Variants in ANK3 observed in about 807,000 individuals in gnomAD.
ANK3 encodes ankyrin 3.
ANK3 carries 57 observed loss-of-function variants against 370.9 expected under a neutral mutation model. That is an observed-to-expected ratio of 0.15 (90% confidence interval 0.12 to 0.19). The LOEUF (loss-of-function observed/expected upper bound fraction) is 0.19, where lower values mean the gene tolerates loss of function less well. Ranked by LOEUF, ANK3 falls within the 10% of genes least tolerant of loss-of-function variation. The pLI is 1.00. For missense variants in ANK3, 4,439 were observed against 5,302.1 expected, an observed-to-expected ratio of 0.84 and a Z score of 5.06; for synonymous variants, 1,929 against 1,946.3, an observed-to-expected ratio of 0.99 and a Z score of 0.23.
chr10:60,732,029 A>G (rs1392341802), intron 1 of ANK3, among the ~76,000 whole-genome samples: 1 of 152,216 alleles, frequency 6.6e-6, no homozygotes, highest in Non-Finnish European at 1.5e-5. Flanking sequence ...TAAAGGAAAA[A>G]CATGGCATGG....
intron 1 of ANK3, among the ~76,000 whole-genome samples, chr10:60,629,901 C>T (rs1253881804): frequency 6.6e-6 from 1 of 152,030 alleles, no homozygotes; most frequent in Non-Finnish European, 1.5e-5. Flanking sequence ...TGCTACATTG[C>T]AATGTGAACC....
At position 60,076,067 on chromosome 10, in the gene ANK3, A is replaced by T; in HGVS notation, c.4814T>A (p.Val1605Asp). Residue 1605 changes from valine (V) to aspartate (D), a missense_variant, in exon 37 of 44, where the codon GTC becomes GAC. Physicochemically the swap from Val to Asp is radical, Grantham distance 152 (BLOSUM62 -3). Around this residue, in one of 13 missense-constraint regions of ANK3, gnomAD observed 679 missense variants for 791.0 expected, o/e 0.86. Coordinates refer to ENST00000280772, the MANE Select transcript of ANK3 (RefSeq NM_020987.5). The part of the protein sequence containing the change: ...SSGTLARAPA[V>D]TEATPLKGLA... ...CCCTTTTAAGGGCGTAGCTTCCGTGACTGCTGGAGCTCTAGCCAGGGTACC... is the reference window on the plus strand; with the variant it reads ...CCCTTTTAAGGGCGTAGCTTCCGTGTCTGCTGGAGCTCTAGCCAGGGTACC... 1 of 1,614,186 alleles carries T rather than the reference A, an allele frequency of 6.2e-7. No individual in the cohort carries two copies. Among genetic ancestry groups the T allele is most frequent in the Non-Finnish European group, 8.5e-7 (1 of 1,180,002 alleles).
At chr10:60,238,006 G>A (rs1000713357) in intron 7 of ANK3, among the ~76,000 whole-genome samples, 5 of 152,142 alleles carry the variant, frequency 3.3e-5, no homozygotes, top group South Asian at 2.1e-4. Context: ...TTCAGAAGAC[G>A]TTTGTTTAAA....
At chr10:60,134,750 T>C (rs2094255506) in intron 24 of ANK3, among the ~76,000 whole-genome samples, 1 of 152,212 alleles carries the variant, frequency 6.6e-6, no homozygotes, top group African/African-American at 2.4e-5. Flanking sequence ...TATGTCTACT[T>C]GACATGCGCT....
chr10:60,400,521 G>C (rs2063332138), intron 2 of ANK3, among the ~76,000 whole-genome samples: 1 of 151,990 alleles, frequency 6.6e-6, no homozygotes, highest in Non-Finnish European at 1.5e-5. Context: ...ATTCTATCAA[G>C]GTGGCAATAA....
chr10:60,492,718 A>G (rs1409771993), intron 2 of ANK3, among the ~76,000 whole-genome samples: 1 of 143,678 alleles, frequency 7.0e-6, no homozygotes, highest in Non-Finnish European at 1.5e-5. Context: ...AAAAAAAAAA[A>G]AAAAAAGAAA....
intron 43 of ANK3, among the ~76,000 whole-genome samples, chr10:60,031,154 A>G (rs1448759725): frequency 6.6e-6 from 1 of 152,212 alleles, no homozygotes; most frequent in Non-Finnish European, 1.5e-5. Context: ...AAGGAAGAAA[A>G]GCGTCATTAC....
intron 8 of ANK3, among the ~76,000 whole-genome samples, chr10:60,214,711 A>G (rs1229309293): frequency 6.6e-6 from 1 of 152,196 alleles, no homozygotes; most frequent in East Asian, 1.9e-4. Flanking sequence ...TTATGGCTGC[A>G]TAGTATTCCA....
intron 2 of ANK3, among the ~76,000 whole-genome samples, chr10:60,457,271 G>A (rs1417844321): frequency 1.3e-5 from 2 of 152,124 alleles, no homozygotes; most frequent in African/African-American, 2.4e-5. Context: ...ATTGAAAGGA[G>A]CCTACAAATT....
chr10:60,064,404 T>A, intron 38 of ANK3, 116 bp from the exon 39 acceptor site: 1 of 1,078,852 alleles, frequency 9.3e-7, no homozygotes, highest in Non-Finnish European at 1.3e-6. Flanking sequence ...CAAGCTCAAG[T>A]ACAGCCTCAG....
At chr10:60,084,436 A>G in intron 32 of ANK3, 166 bp downstream of exon 32, 1 of 377,394 alleles carries the variant, frequency 2.6e-6, no homozygotes, top group South Asian at 1.1e-4. Flanking sequence ...AAATTAAATT[A>G]AAAAAGATAA....
intron 5 of ANK3, among the ~76,000 whole-genome samples, chr10:60,269,294 T>A (rs979622447): frequency 6.6e-6 from 1 of 152,208 alleles, no homozygotes; most frequent in Non-Finnish European, 1.5e-5. Context: ...ATTATTCTAT[T>A]CTAGACAGCA....
exon 1 of ANK3, chr10:60,733,416 G>T (rs1011466194): frequency 4.2e-5 from 47 of 1,109,586 alleles, no homozygotes; most frequent in Non-Finnish European, 5.4e-5. Context: ...TTGGGAAAAA[G>T]TTCGGCCGCG....
At chr10:60,301,483 G>A (rs1028130157) in intron 1 of ANK3, among the ~76,000 whole-genome samples, 10 of 147,112 alleles carry the variant, frequency 6.8e-5, no homozygotes, top group East Asian at 2.0e-4. Context: ...GCAGGATCTC[G>A]GCTCACTGCA....
chr10:60,080,385 C>A, intron 36 of ANK3, 152 bp downstream of exon 36: 1 of 644,498 alleles, frequency 1.6e-6, no homozygotes, highest in South Asian at 2.1e-5. Context: ...CAACTAGGCA[C>A]AAAATATTAC....
At chr10:60,457,577 T>C (rs2064779617) in intron 2 of ANK3, among the ~76,000 whole-genome samples, 1 of 152,104 alleles carries the variant, frequency 6.6e-6, no homozygotes, top group East Asian at 1.9e-4. Context: ...GATTCACCCT[T>C]CAGGTCGCCC....
chr10:60,099,665 C>A (rs1185864107), intron 28 of ANK3, among the ~76,000 whole-genome samples: 1 of 152,120 alleles, frequency 6.6e-6, no homozygotes. Flanking sequence ...TTTTTCACCC[C>A]ATTGTTTAAG....
intron 2 of ANK3, among the ~76,000 whole-genome samples, chr10:60,493,616 A>C (rs1301455819): frequency 6.6e-6 from 1 of 152,154 alleles, no homozygotes; most frequent in Non-Finnish European, 1.5e-5. Flanking sequence ...TTGTGCTAAC[A>C]GTGTCAAGTT....
intron 25 of ANK3, among the ~76,000 whole-genome samples, chr10:60,128,710 T>C (rs539433040): frequency 7.2e-4 from 109 of 152,258 alleles, no homozygotes; most frequent in African/African-American, 2.5e-3. Context: ...GTTAACAAAT[T>C]ATTTCATAGG....
Sources: allele counts gnomAD v4.1 joint callset (sites outside exome capture counted in the v4.1 genomes callset), GRCh38; gene constraint gnomAD v4.1.1; regional missense constraint gnomAD v4.1.1; transcripts MANE v1.5; gene names NCBI Gene and HGNC (gene_info 2026-07-23, HGNC 2026-07-21).